The following BEST3 variants were observed in gnomAD, a reference collection of about 807,000 sequenced individuals.
BEST3 encodes the protein bestrophin-3.
BEST3 carries 50 observed loss-of-function variants against 47.1 expected under a neutral mutation model. The observed-to-expected ratio is 1.06, with a 90% CI of 0.85 to 1.34. The LOEUF is 1.34. Ranked by LOEUF, BEST3 falls within the 40% of genes most tolerant of loss-of-function variation. The probability of loss-of-function intolerance (pLI) is 0.00; values close to 1 mark genes in which losing one functional copy is unlikely to be tolerated. For missense variants in BEST3, 765 were observed against 817.0 expected (o/e 0.94, Z 0.78); for synonymous variants, 282 against 298.8 (o/e 0.94, Z 0.58).
chr12:69,680,530 A>G (rs1336875498), intron 4 of BEST3, among the ~76,000 whole-genome samples: 1 of 151,818 alleles, frequency 6.6e-6, no homozygotes, highest in Non-Finnish European at 1.5e-5. Context: ...GGATGTCTCA[A>G]TCTCCTGACC....
At chr12:69,680,499 G>A (rs560931837) in intron 4 of BEST3, among the ~76,000 whole-genome samples, 8 of 151,704 alleles carry the variant, frequency 5.3e-5, no homozygotes, top group African/African-American at 1.7e-4. Context: ...TAGTAGAGAC[G>A]GGGTTTCACC....
rs991645086 is a variant in BEST3 at position 69,654,681 on chromosome 12, A to G, written c.*226T>C. 4.0e-5 allele frequency: 52 copies of G among 1,302,140 alleles called. No individual in the cohort carries two copies. In the African/African-American group the frequency reaches 6.9e-4, roughly 17 times the overall value. 80.7% of individuals were successfully genotyped at this position (1,302,140 alleles called of 1,614,324 possible). On this transcript the variant is annotated 3_prime_UTR_variant, in exon 10 of 10. Transcript: ENST00000330891. ...TGGCTAAATCACTGTGGTCTGTGTA[A>G]CTTCTGATGAAAGCCATGTTGTGTT...
intron 9 of BEST3, among the ~76,000 whole-genome samples, chr12:69,665,653 T>C (rs2135943186): frequency 6.6e-6 from 1 of 151,864 alleles, no homozygotes; most frequent in South Asian, 2.1e-4. Flanking sequence ...AATATGCCAT[T>C]AGCCTTACTG....
chr12:69,647,505 C>G (rs1883076141), intron 9 of BEST3, among the ~76,000 whole-genome samples: 1 of 152,146 alleles, frequency 6.6e-6, no homozygotes, highest in Admixed American at 6.6e-5. Flanking sequence ...TTTCTCCCCT[C>G]TTTCAGATGC....
intron 9 of BEST3, among the ~76,000 whole-genome samples, chr12:69,656,121 C>T (rs1333962565): frequency 1.3e-5 from 2 of 152,132 alleles, no homozygotes; most frequent in East Asian, 1.9e-4. Flanking sequence ...GCACACATTC[C>T]GTTGACTGCT....
rs1033920065 is a variant in BEST3 at position 69,665,094 on chromosome 12, G to A, written c.1100+6334C>T. Among the ~76,000 whole-genome samples, 22 of 142,056 alleles carry A rather than the reference G, an allele frequency of 1.5e-4. 1 individual carries two copies. The highest frequency in any genetic ancestry group is 2.1e-4 in the Non-Finnish European group (13 of 63,342). The allele number at this position is 142,056 out of a possible 152,430, so 93.2% of individuals were successfully genotyped here. On this transcript the variant is annotated intron_variant, in intron 9 of 9. Coordinates refer to ENST00000330891, the MANE Select transcript of BEST3 (RefSeq NM_032735.3). ...GTCCAAACAAGGCCAGGGTACAGCA[G>A]CAAAGTGAAATTCAGTAAAAGGGAT...
At chr12:69,659,342 A>C (rs927283467) in intron 9 of BEST3, among the ~76,000 whole-genome samples, 1 of 152,174 alleles carries the variant, frequency 6.6e-6, no homozygotes, top group Non-Finnish European at 1.5e-5. Flanking sequence ...AAATAGTTTA[A>C]AATAGAATAC....
chr12:69,657,714 T>C (rs1180536559), intron 9 of BEST3, among the ~76,000 whole-genome samples: 3 of 152,156 alleles, frequency 2.0e-5, no homozygotes, highest in Non-Finnish European at 4.4e-5. Flanking sequence ...AGTATAATAT[T>C]GGTGTAACTT....
chr12:69,696,092 T>A (rs1886122622), intron 2 of BEST3, among the ~76,000 whole-genome samples: 1 of 152,168 alleles, frequency 6.6e-6, no homozygotes, highest in African/African-American at 2.4e-5. Flanking sequence ...ACATCTATAT[T>A]TTTCTATAGA....
At chr12:69,684,423 G>A in intron 4 of BEST3, 1 of 467,048 alleles carries the variant, frequency 2.1e-6, no homozygotes, top group South Asian at 5.2e-5. Flanking sequence ...TCCATTGATA[G>A]ACAAAATTCC....
At chr12:69,685,405 A>T (rs1378874994) in intron 4 of BEST3, among the ~76,000 whole-genome samples, 1 of 152,242 alleles carries the variant, frequency 6.6e-6, no homozygotes, top group Non-Finnish European at 1.5e-5. Flanking sequence ...TTTGCAGATG[A>T]AATCGGAGGA....
chr12:69,680,476 G>A (rs61928112), intron 4 of BEST3, among the ~76,000 whole-genome samples: 2 of 151,436 alleles, frequency 1.3e-5, no homozygotes, highest in Non-Finnish European at 2.9e-5. Flanking sequence ...GCCCGGCTAA[G>A]TTTTTGTATT....
At chr12:69,673,057 C>T in intron 7 of BEST3, 92 bp from the exon 8 acceptor site, 1 of 936,868 alleles carries the variant, frequency 1.1e-6, no homozygotes, top group South Asian at 1.6e-5. Context: ...TCTCTGCTTC[C>T]TTGTGTGACT....
intron 9 of BEST3, among the ~76,000 whole-genome samples, chr12:69,661,598 A>G (rs1471207475): frequency 6.6e-6 from 1 of 152,210 alleles, no homozygotes; most frequent in Non-Finnish European, 1.5e-5. Context: ...TCTGCACTGC[A>G]GAATCATCAT....
intron 9 of BEST3, among the ~76,000 whole-genome samples, chr12:69,659,737 A>T (rs941794852): frequency 5.9e-5 from 9 of 151,562 alleles, no homozygotes; most frequent in African/African-American, 2.2e-4. Flanking sequence ...TATGCTCCTT[A>T]TTTGATATTT....
intron 9 of BEST3, among the ~76,000 whole-genome samples, chr12:69,667,297 C>CT (rs1286041124): frequency 4.0e-5 from 6 of 151,854 alleles, no homozygotes. Context: ...TTCTTTTTTT[C>CT]TTTTTTTGAG....
In BEST3 at chr12:69,655,214, ACTGT is replaced by A. The variant is rs756396229; in HGVS notation, c.1696_1699del (p.Thr566PhefsTer21). ...TATATTTTCCTCAGCGCTGGCTGAA[ACTGT>A]CTGGGGACTGGGGCCTCCAGGAGGT... is the stretch of plus-strand genomic sequence containing the variant. On this transcript the variant is annotated frameshift_variant, in exon 10 of 10. Coordinates refer to ENST00000330891, the MANE Select transcript of BEST3 (RefSeq NM_032735.3). LOFTEE classifies it low-confidence loss of function (END_TRUNC). The A allele has an allele frequency of 1.2e-6, 2 of 1,614,002 alleles. No individual in the cohort carries two copies. Among genetic ancestry groups the A allele is most frequent in the Admixed American group, 1.7e-5 (1 of 59,988 alleles).
At position 69,677,975 on chromosome 12, in the gene BEST3, G is replaced by A. The variant is rs1298515508; in HGVS notation, c.637-718C>T. Among the ~76,000 whole-genome samples, 3 of 152,114 alleles carry A rather than the reference G, an allele frequency of 2.0e-5. No homozygotes were observed. The East Asian group carries it at 5.8e-4, about 29-fold the overall frequency. ...TCTCTCATTTTAAAACATGCTTACC[G>A]TAGATCTTAGAAAAGAGATATAATT... On this transcript the variant is annotated intron_variant, in intron 5 of 9. Coordinates refer to ENST00000330891, the MANE Select transcript of BEST3 (RefSeq NM_032735.3).
intron 2 of BEST3, among the ~76,000 whole-genome samples, chr12:69,696,512 T>C (rs2136052054): frequency 6.6e-6 from 1 of 152,310 alleles, no homozygotes; most frequent in East Asian, 1.9e-4. Context: ...ATTGCCAAAA[T>C]AATATCATAT....
Sources: allele counts gnomAD v4.1 joint callset (sites outside exome capture counted in the v4.1 genomes callset), GRCh38; gene constraint gnomAD v4.1.1; transcripts MANE v1.5; gene names NCBI Gene and HGNC (gene_info 2026-07-23, HGNC 2026-07-21).